Variants in MYH15 observed in about 807,000 individuals in gnomAD.
The protein encoded by MYH15 is myosin heavy chain 15.
In MYH15, 227 loss-of-function variants were observed where a neutral mutation model predicts 240.5. The observed-to-expected ratio is 0.94, with a 90% CI of 0.85 to 1.05. MYH15 has a LOEUF of 1.05. Among genes scored for constraint, MYH15 ranks in the 50% least tolerant of loss-of-function variants. The pLI, the probability that MYH15 is intolerant of heterozygous loss-of-function variation, is 0.00. For synonymous variants in MYH15, 785 were observed against 796.7 expected, an observed-to-expected ratio of 0.99 and a Z score of 0.25; for missense variants, 2,217 against 2,247.5, an observed-to-expected ratio of 0.99 and a Z score of 0.27.
rs746391808 is a variant in MYH15, at chr3:108,499,465, T to C, written c.514A>G (p.Ile172Val). 1.9e-6 allele frequency: 3 copies of C among 1,613,510 alleles called. No homozygotes were observed. Among genetic ancestry groups the C allele is most frequent in the Non-Finnish European group, 2.5e-6 (3 of 1,179,760 alleles). ...DMLHNRENQSILFTGESGAGK... is the reference protein window; with the variant it reads ...DMLHNRENQSVLFTGESGAGK... ...AAGGCAAACACTTACGTGAAGAGTA[T>C]AGACTGATTTTCTCGATCTACAAAA... Residue 172 changes from isoleucine (I) to valine (V), a missense_variant, in exon 5 of 41, where the codon ATA becomes GTA. Physicochemically the swap from Ile to Val is conservative, Grantham distance 29. Transcript: ENST00000693548.
At chr3:108,395,762 A>AGTCC (rs549850195) in intron 35 of MYH15, among the ~76,000 whole-genome samples, 4 of 151,890 alleles carry the variant, frequency 2.6e-5, no homozygotes, top group Non-Finnish European at 5.9e-5. Flanking sequence ...CTCAAATGTT[A>AGTCC]GTCCTAGGCT....
chr3:108,405,486 G>C (rs2082539768), intron 32 of MYH15, 33 bp from the exon 33 acceptor site: 2 of 1,338,440 alleles, frequency 1.5e-6, no homozygotes, highest in Admixed American at 2.2e-5. Context: ...ATTAAATGAA[G>C]TCCACTTTTA....
At chr3:108,389,732 A>AT (rs2082409888) in intron 37 of MYH15, among the ~76,000 whole-genome samples, 1 of 152,226 alleles carries the variant, frequency 6.6e-6, no homozygotes, top group Admixed American at 6.5e-5. Context: ...GTTGATGGAG[A>AT]TAAGTGCCAT....
chr3:108,388,917 T>C, intron 38 of MYH15, 53 bp downstream of exon 38: 1 of 1,528,214 alleles, frequency 6.5e-7, no homozygotes, highest in Non-Finnish European at 9.0e-7. Context: ...AAGGAGTACT[T>C]TTCTGCAGGG....
intron 31 of MYH15, among the ~76,000 whole-genome samples, chr3:108,408,633 G>A (rs1348207183): frequency 6.6e-6 from 1 of 152,198 alleles, no homozygotes; most frequent in Non-Finnish European, 1.5e-5. Context: ...AATGGTGAGG[G>A]TGGTGCTTCA....
chr3:108,413,352 A>T (rs1447443924), intron 30 of MYH15, among the ~76,000 whole-genome samples: 1 of 152,224 alleles, frequency 6.6e-6, no homozygotes, highest in Non-Finnish European at 1.5e-5. Context: ...GGGACAAAAC[A>T]CAGCAGCTGT....
chr3:108,530,319 T>C (rs1206201898), upstream of MYH15, among the ~76,000 whole-genome samples: 3 of 152,216 alleles, frequency 2.0e-5, no homozygotes, highest in African/African-American at 7.2e-5. Flanking sequence ...GTCTGGCATC[T>C]AATTAAAAAT....
intron 21 of MYH15, among the ~76,000 whole-genome samples, chr3:108,453,547 T>A (rs2082993106): frequency 6.6e-6 from 1 of 152,182 alleles, no homozygotes; most frequent in Non-Finnish European, 1.5e-5. Flanking sequence ...TGAACCTGTC[T>A]GAAATAAAGT....
At chr3:108,478,867 G>T (rs772158766) in intron 11 of MYH15, among the ~76,000 whole-genome samples, 4 of 152,104 alleles carry the variant, frequency 2.6e-5, no homozygotes, top group Admixed American at 6.6e-5. Flanking sequence ...GATTCTCTGA[G>T]GAGTATCCCA....
intron 1 of MYH15, among the ~76,000 whole-genome samples, chr3:108,517,393 T>C (rs113150179): frequency 0.036 from 5,521 of 152,068 alleles, 332 homozygotes; most frequent in African/African-American, 0.12. Flanking sequence ...AGTGCAATGG[T>C]GCAATCTCGG....
chr3:108,434,238 A>T (rs2082810928), intron 25 of MYH15, among the ~76,000 whole-genome samples: 1 of 145,642 alleles, frequency 6.9e-6, no homozygotes. Flanking sequence ...GCTGGAGTGC[A>T]ATGGTGTGAT....
At chr3:108,514,171 C>T (rs2083542767), upstream of MYH15, among the ~76,000 whole-genome samples, 1 of 152,124 alleles carries the variant, frequency 6.6e-6, no homozygotes, top group Non-Finnish European at 1.5e-5. Flanking sequence ...AAGTCACGAG[C>T]CCAGATGACC....
At chr3:108,445,882 T>A (rs1023377971) in intron 21 of MYH15, among the ~76,000 whole-genome samples, 3 of 151,924 alleles carry the variant, frequency 2.0e-5, no homozygotes, top group Admixed American at 6.6e-5. Context: ...CTAAAAAACA[T>A]AGCAGTTGGA....
Position 108,455,852 on chromosome 3 carries a change from T to A in MYH15, c.2146A>T (p.Ile716Phe), listed in dbSNP as rs550383018. The change falls in exon 20 of 41, where the codon ATT (isoleucine) becomes TTT (phenylalanine). Residue 716 changes from isoleucine (I) to phenylalanine (F), a missense_variant. By Grantham distance (21) the Ile-to-Phe change is conservative. Coordinates refer to ENST00000693548, the MANE Select transcript of MYH15 (RefSeq NM_014981.3). ...TTTGGAAAGGTCCTTGGATTCAGAA[T>A]GCAGTACCTAATTTAAAATAAAGAA... Reference protein sequence around the residue: ...QYADFKQRYCILNPRTFPKSK... With the variant: ...QYADFKQRYCFLNPRTFPKSK... The A allele has an allele frequency of 6.2e-7, 1 of 1,611,496 alleles. No individual in the cohort carries two copies. Among genetic ancestry groups the A allele is most frequent in the South Asian group, 1.1e-5 (1 of 90,984 alleles).
At chr3:108,501,442 TAAC>T (rs1395438084) in intron 3 of MYH15, among the ~76,000 whole-genome samples, 1 of 152,202 alleles carries the variant, frequency 6.6e-6, no homozygotes, top group Non-Finnish European at 1.5e-5. Context: ...TTAGGAAACT[TAAC>T]AACTAGTAAG....
intron 6 of MYH15, among the ~76,000 whole-genome samples, chr3:108,496,774 G>A (rs1285837499): frequency 2.7e-5 from 4 of 149,948 alleles, no homozygotes; most frequent in Non-Finnish European, 5.9e-5. Flanking sequence ...AAAACTCAAT[G>A]GCTAGACCAA....
upstream of MYH15, among the ~76,000 whole-genome samples, chr3:108,514,381 CT>C (rs1430251337): frequency 2.0e-5 from 3 of 152,148 alleles, no homozygotes; most frequent in East Asian, 5.8e-4. Context: ...AGCTATCCCC[CT>C]CTCCCTCCTC....
intron 37 of MYH15, among the ~76,000 whole-genome samples, chr3:108,390,698 G>C (rs1308571295): frequency 6.6e-6 from 1 of 152,128 alleles, no homozygotes; most frequent in African/African-American, 2.4e-5. Flanking sequence ...TCTTACTTGT[G>C]TATGTTTAAT....
chr3:108,449,378 T>G (rs1376959731), intron 21 of MYH15, among the ~76,000 whole-genome samples: 2 of 151,994 alleles, frequency 1.3e-5, no homozygotes, highest in Non-Finnish European at 2.9e-5. Flanking sequence ...GGTATTAGCA[T>G]AAAAACAAAC....
Sources: gnomAD v4.1 joint callset for allele counts (sites outside exome capture counted in the v4.1 genomes callset) on GRCh38, gnomAD v4.1.1 for gene constraint, MANE v1.5 for transcripts, NCBI Gene and HGNC (gene_info 2026-07-23, HGNC 2026-07-21) for gene names.